Variants in KIAA1217 observed in about 807,000 individuals in gnomAD.
The protein encoded by KIAA1217 is sickle tail protein homolog.
In KIAA1217, 88 loss-of-function variants were observed where a neutral mutation model predicts 163.9. The ratio of observed to expected loss-of-function variants is 0.54; its 90% CI spans 0.45 to 0.64. The LOEUF (loss-of-function observed/expected upper bound fraction) is 0.64, where lower values mean the gene tolerates loss of function less well. Among genes scored for constraint, KIAA1217 ranks in the 30% least tolerant of loss-of-function variants. The pLI is 0.00. For missense variants in KIAA1217, 2,372 were observed against 2,475.0 expected (o/e 0.96, Z 0.88); for synonymous variants, 903 against 923.1 (o/e 0.98, Z 0.39).
chr10:24,003,823 T>C (rs77570397), intron 1 of KIAA1217, among the ~76,000 whole-genome samples: 2,395 of 152,332 alleles, frequency 0.016, 33 homozygotes, highest in Middle Eastern at 0.031. Context: ...GTGGGTTTCA[T>C]ATTCCTATTG....
chr10:23,955,817 T>C (rs1275442855), intron 1 of KIAA1217, among the ~76,000 whole-genome samples: 1 of 152,236 alleles, frequency 6.6e-6, no homozygotes, highest in Non-Finnish European at 1.5e-5. Flanking sequence ...TAAGAATCCG[T>C]AGTTCCTCAT....
At chr10:23,841,424 A>T (rs900142154) in intron 1 of KIAA1217, among the ~76,000 whole-genome samples, 3 of 152,222 alleles carry the variant, frequency 2.0e-5, no homozygotes, top group African/African-American at 4.8e-5. Context: ...AATACTATTT[A>T]TTTAATGTAC....
At position 24,391,223 on chromosome 10, in the gene KIAA1217, C is replaced by T. The variant is rs547185601; in HGVS notation, c.553+10156C>T. On this transcript the variant is annotated intron_variant, in intron 3 of 20. Coordinates refer to ENST00000376454, the MANE Select transcript of KIAA1217 (RefSeq NM_019590.5). ...TGACAAAGGTGTCAACCCTCAGGCA[C>T]CATTATTTTAGAGGGACTTTCAGTG... Among the ~76,000 whole-genome samples, 12 of 151,852 alleles carry T rather than the reference C, an allele frequency of 7.9e-5. No homozygotes were observed. In the South Asian group the frequency reaches 2.5e-3, roughly 32 times the overall value.
At chr10:24,150,006 T>C (rs980030780) in intron 2 of KIAA1217, among the ~76,000 whole-genome samples, 1 of 152,172 alleles carries the variant, frequency 6.6e-6, no homozygotes, top group Non-Finnish European at 1.5e-5. Context: ...AGATATTCTG[T>C]ATTTTTCTTT....
At chr10:24,307,913 G>A (rs1252054983) in intron 2 of KIAA1217, among the ~76,000 whole-genome samples, 12 of 152,248 alleles carry the variant, frequency 7.9e-5, no homozygotes, top group Admixed American at 4.6e-4. Context: ...AGTGCTTTGC[G>A]ATGGAGAGAA....
At chr10:24,440,093 G>A (rs935637496) in intron 5 of KIAA1217, among the ~76,000 whole-genome samples, 1 of 152,216 alleles carries the variant, frequency 6.6e-6, no homozygotes, top group African/African-American at 2.4e-5. Flanking sequence ...CTTCTGGAGG[G>A]AAAGGCCTCT....
At chr10:24,323,788 C>CGT (rs60528535) in intron 2 of KIAA1217, among the ~76,000 whole-genome samples, 4,038 of 144,218 alleles carry the variant, frequency 0.028, 79 homozygotes, top group African/African-American at 0.053. Flanking sequence ...GTTTTCTCTT[C>CGT]GTGTGTGTGT....
chr10:23,934,604 TATGTATATATA>T (rs1843430994), intron 1 of KIAA1217, among the ~76,000 whole-genome samples: 3 of 84,172 alleles, frequency 3.6e-5, no homozygotes, highest in Non-Finnish European at 6.0e-5. Context: ...TATATATATA[TATGTATATATA>T]TATATATATA....
chr10:24,100,907 T>G (rs1341504586), intron 2 of KIAA1217, among the ~76,000 whole-genome samples: 4 of 152,228 alleles, frequency 2.6e-5, no homozygotes, highest in African/African-American at 9.6e-5. Context: ...ATACTCCTAT[T>G]ATTAAATGCC....
chr10:24,331,565 G>T (rs1443059639), intron 2 of KIAA1217, among the ~76,000 whole-genome samples: 1 of 152,230 alleles, frequency 6.6e-6, no homozygotes, highest in East Asian at 1.9e-4. Context: ...AAACCCATCA[G>T]GATGAACAAA....
At chr10:24,409,624 G>A (rs1591696283) in intron 3 of KIAA1217, among the ~76,000 whole-genome samples, 1 of 152,100 alleles carries the variant, frequency 6.6e-6, no homozygotes, top group Non-Finnish European at 1.5e-5. Flanking sequence ...GGTTTCTGGG[G>A]AACAGGTAGT....
intron 2 of KIAA1217, among the ~76,000 whole-genome samples, chr10:24,235,355 C>T (rs1364030605): frequency 6.6e-6 from 1 of 152,176 alleles, no homozygotes; most frequent in Non-Finnish European, 1.5e-5. Flanking sequence ...GTAACAACTA[C>T]AATCAAACAC....
chr10:24,149,504 A>G (rs1335403971), intron 2 of KIAA1217, among the ~76,000 whole-genome samples: 2 of 151,994 alleles, frequency 1.3e-5, no homozygotes, highest in African/African-American at 4.8e-5. Context: ...TTAATGTAAG[A>G]AAATAGAGTC....
chr10:24,102,223 G>C (rs1031881937), intron 2 of KIAA1217, among the ~76,000 whole-genome samples: 1 of 152,104 alleles, frequency 6.6e-6, no homozygotes, highest in African/African-American at 2.4e-5. Context: ...ATATACAAAA[G>C]TCAGTTGCTT....
At chr10:23,740,573 C>A (rs6482336) in intron 1 of KIAA1217, among the ~76,000 whole-genome samples, 2 of 151,868 alleles carry the variant, frequency 1.3e-5, no homozygotes, top group African/African-American at 4.8e-5. Context: ...TTGCCCAGGG[C>A]GGTCTTGAAC....
chr10:24,238,455 A>G (rs2072584528), intron 2 of KIAA1217, among the ~76,000 whole-genome samples: 1 of 152,182 alleles, frequency 6.6e-6, no homozygotes, highest in Non-Finnish European at 1.5e-5. Flanking sequence ...CCTACGGACC[A>G]TTTCCCAAAG....
chr10:24,385,432 C>T (rs997171601), intron 3 of KIAA1217, among the ~76,000 whole-genome samples: 3 of 152,172 alleles, frequency 2.0e-5, no homozygotes, highest in African/African-American at 7.2e-5. Context: ...GTAATGGTCT[C>T]CCTCGGGTGC....
At chr10:24,038,747 C>CT (rs3072773) in intron 2 of KIAA1217, among the ~76,000 whole-genome samples, 18 of 76,272 alleles carry the variant, frequency 2.4e-4, no homozygotes, top group East Asian at 1.4e-3. Context: ...CTGAGAATTG[C>CT]TTTTTTTTTT....
chr10:24,327,586 G>C (rs1003094120), intron 2 of KIAA1217, among the ~76,000 whole-genome samples: 4 of 152,082 alleles, frequency 2.6e-5, no homozygotes, highest in Non-Finnish European at 4.4e-5. Context: ...AAACTCCTGG[G>C]TTGAAGCGAT....
Sources: gnomAD v4.1 joint callset for allele counts (sites outside exome capture counted in the v4.1 genomes callset) on GRCh38, gnomAD v4.1.1 for gene constraint, MANE v1.5 for transcripts, NCBI Gene and HGNC (gene_info 2026-07-23, HGNC 2026-07-21) for gene names.